UNC13C: variants seen among roughly 807,000 people sequenced by gnomAD.
UNC13C encodes protein unc-13 homolog C.
UNC13C carries 174 observed loss-of-function variants against 245.4 expected under a neutral mutation model. The ratio of observed to expected loss-of-function variants is 0.71; its 90% CI spans 0.63 to 0.80. The LOEUF is 0.80. Among genes scored for constraint, UNC13C ranks in the 30% least tolerant of loss-of-function variants. The pLI, the probability that UNC13C is intolerant of heterozygous loss-of-function variation, is 0.00. For synonymous variants in UNC13C, 992 were observed against 895.1 expected, an observed-to-expected ratio of 1.11 and a Z score of -1.93; for missense variants, 2,829 against 2,602.9, an observed-to-expected ratio of 1.09 and a Z score of -1.89.
At chr15:54,500,800 A>G (rs762203690) in intron 21 of UNC13C, 35 bp from the exon 22 acceptor site, 3 of 1,602,984 alleles carry the variant, frequency 1.9e-6, no homozygotes, top group Non-Finnish European at 1.7e-6. Context: ...CCTCTAATGT[A>G]CTGTTTGGGA....
chr15:54,315,591 T>A (rs1445709710), intron 13 of UNC13C, among the ~76,000 whole-genome samples: 1 of 151,712 alleles, frequency 6.6e-6, no homozygotes, highest in Non-Finnish European at 1.5e-5. Context: ...CCCTAGGTAA[T>A]CTTATCCTTT....
intron 2 of UNC13C, among the ~76,000 whole-genome samples, chr15:54,074,003 T>C (rs767759446): frequency 6.6e-6 from 1 of 152,262 alleles, no homozygotes; most frequent in Non-Finnish European, 1.5e-5. Context: ...AGGATTTTTA[T>C]GGCTTTAGTT....
intron 32 of UNC13C, 95 bp from the exon 33 acceptor site, chr15:54,626,733 C>T: frequency 3.7e-6 from 4 of 1,082,682 alleles, no homozygotes; most frequent in Non-Finnish European, 5.3e-6. Context: ...ATAATCAGAT[C>T]CAATGTATAC....
At chr15:54,173,058 A>G (rs1041847315) in intron 4 of UNC13C, among the ~76,000 whole-genome samples, 1 of 151,806 alleles carries the variant, frequency 6.6e-6, no homozygotes, top group African/African-American at 2.4e-5. Context: ...GGATGAGCCA[A>G]TTTCTGAACT....
the UNC13C span, among the ~76,000 whole-genome samples, chr15:53,932,940 C>G: frequency 1.3e-5 from 2 of 152,204 alleles, no homozygotes; most frequent in African/African-American, 2.4e-5. Context: ...CACCAAACCT[C>G]CATTCCTAAG....
At chr15:54,140,212 A>G (rs1170536243) in intron 2 of UNC13C, among the ~76,000 whole-genome samples, 1 of 152,200 alleles carries the variant, frequency 6.6e-6, no homozygotes, top group Non-Finnish European at 1.5e-5. Context: ...TAGGATTTTG[A>G]CTGTGAAATC....
the UNC13C span, among the ~76,000 whole-genome samples, chr15:53,933,263 T>C: frequency 1.2e-4 from 19 of 152,278 alleles, no homozygotes; most frequent in East Asian, 3.1e-3. Context: ...TATTACTTTG[T>C]GGCCCTGCTT....
intron 16 of UNC13C, among the ~76,000 whole-genome samples, chr15:54,334,245 T>C (rs565093370): frequency 6.6e-6 from 1 of 152,274 alleles, no homozygotes; most frequent in East Asian, 1.9e-4. Flanking sequence ...CTCTTTTAAG[T>C]TTACCCCAAT....
At chr15:53,925,115 G>C in the UNC13C span, among the ~76,000 whole-genome samples, 1 of 152,104 alleles carries the variant, frequency 6.6e-6, no homozygotes, top group African/African-American at 2.4e-5. Context: ...ACAGAAAAAG[G>C]GGAATCTGTT....
chr15:54,566,195 TACAG>T (rs1897504102), intron 29 of UNC13C, among the ~76,000 whole-genome samples: 1 of 152,042 alleles, frequency 6.6e-6, no homozygotes, highest in Admixed American at 6.6e-5. Flanking sequence ...TTCTAGGTGA[TACAG>T]AGTCAAGACC....
the UNC13C span, among the ~76,000 whole-genome samples, chr15:53,889,093 C>A: frequency 1.3e-5 from 2 of 152,096 alleles, no homozygotes; most frequent in Admixed American, 1.3e-4. Context: ...TAAACAAAGT[C>A]AATGGTAGCT....
At chr15:54,419,045 C>A (rs1346395992) in intron 19 of UNC13C, among the ~76,000 whole-genome samples, 1 of 152,070 alleles carries the variant, frequency 6.6e-6, no homozygotes, top group East Asian at 1.9e-4. Flanking sequence ...TATAATTAAT[C>A]TAGAATCATG....
rs571277137 is a variant in UNC13C at position 54,500,878 on chromosome 15, T to C, written c.5201T>C (p.Val1734Ala). 6.2e-7 allele frequency: 1 copy of C among 1,613,088 alleles called. No homozygotes were observed. Among genetic ancestry groups the C allele is most frequent in the East Asian group, 2.2e-5 (1 of 44,866 alleles). Reference sequence around the variant, plus strand: ...CATGCTCTCTTTTCTTGCTCCGTGGTTGATGTCTTTGCTCAGCTGAATCAG... The same window carrying C: ...CATGCTCTCTTTTCTTGCTCCGTGGCTGATGTCTTTGCTCAGCTGAATCAG... ...SEHALFSCSVVDVFAQLNQSF... is the reference protein window; with the variant it reads ...SEHALFSCSVADVFAQLNQSF... Residue 1734 changes from valine to alanine, a missense_variant, in exon 22 of 33, where the codon GTT (valine) becomes GCT (alanine). Coordinates refer to ENST00000260323, the MANE Select transcript of UNC13C (RefSeq NM_001080534.3).
Position 54,373,335 on chromosome 15 carries a change from C to T in UNC13C, c.4714-19713C>T, listed in dbSNP as rs1858357. Among the ~76,000 whole-genome samples the T allele has an allele frequency of 7.0e-3, 1,073 of 152,296 alleles. 16 individuals are homozygous for T. The highest frequency in any genetic ancestry group is 0.024 in the African/African-American group (1,010 of 41,556). On this transcript the variant is annotated intron_variant, in intron 17 of 32. Coordinates refer to ENST00000260323, the MANE Select transcript of UNC13C (RefSeq NM_001080534.3). ...CTGAGTTTTGCTCGAGCCCACTGGA[C>T]TTGTTTCACCCACTCACACTGGCAG... is the stretch of plus-strand genomic sequence containing the variant.
intron 10 of UNC13C, among the ~76,000 whole-genome samples, chr15:54,282,351 G>C (rs2037019672): frequency 6.6e-6 from 1 of 152,078 alleles, no homozygotes; most frequent in Admixed American, 6.6e-5. Flanking sequence ...CCCTTCGCCA[G>C]ACTTGTAGAA....
At chr15:54,033,034 T>C (rs551639577) in intron 2 of UNC13C, among the ~76,000 whole-genome samples, 28 of 152,096 alleles carry the variant, frequency 1.8e-4, no homozygotes, top group African/African-American at 6.5e-4. Context: ...TTGAGTTCAG[T>C]GTATGCTGCT....
the UNC13C span, among the ~76,000 whole-genome samples, chr15:53,870,636 C>T: frequency 0.62 from 94,649 of 151,938 alleles, 29,523 homozygotes; most frequent in East Asian, 0.68. Context: ...ATTGAGACTA[C>T]GTCCTAACTC....
At chr15:54,302,219 A>T (rs1025053776) in intron 13 of UNC13C, among the ~76,000 whole-genome samples, 2 of 151,892 alleles carry the variant, frequency 1.3e-5, no homozygotes, top group African/African-American at 4.8e-5. Context: ...GATTGCAAAA[A>T]TTTTCTCTCA....
At chr15:54,348,259 T>C (rs11635260) in intron 17 of UNC13C, among the ~76,000 whole-genome samples, 9,754 of 152,200 alleles carry the variant, frequency 0.064, 391 homozygotes, top group Admixed American at 0.11. Context: ...GAAGGGAATA[T>C]CCTCCTTTCC....
Sources: allele counts gnomAD v4.1 joint callset (sites outside exome capture counted in the v4.1 genomes callset), GRCh38; gene constraint gnomAD v4.1.1; transcripts MANE v1.5; gene names NCBI Gene and HGNC (gene_info 2026-07-23, HGNC 2026-07-21).